Variants in GSE1 observed in about 807,000 individuals in gnomAD.
GSE1 encodes the protein Gse1 coiled-coil protein, also known as genetic suppressor element 1.
GSE1 carries 32 observed loss-of-function variants against 112.6 expected under a neutral mutation model. The ratio of observed to expected loss-of-function variants is 0.28; its 90% CI spans 0.21 to 0.38. GSE1 has a LOEUF of 0.38. Ranked by LOEUF, GSE1 falls within the 10% of genes least tolerant of loss-of-function variation. The pLI, the probability that GSE1 is intolerant of heterozygous loss-of-function variation, is 1.00. For synonymous variants in GSE1, 1,115 were observed against 735.6 expected (o/e 1.52, Z -8.35); for missense variants, 2,348 against 1,699.2 (o/e 1.38, Z -6.71).
At chr16:85,434,910 C>A (rs567382395) in intron 2 of GSE1, among the ~76,000 whole-genome samples, 1 of 152,236 alleles carries the variant, frequency 6.6e-6, no homozygotes, top group Non-Finnish European at 1.5e-5. Context: ...CTGGGGTGGG[C>A]CCCTGTGGTC....
At chr16:85,366,090 C>T (rs537570703) in intron 2 of GSE1, among the ~76,000 whole-genome samples, 2 of 152,358 alleles carry the variant, frequency 1.3e-5, no homozygotes, top group African/African-American at 4.8e-5. Context: ...CAAATGGGCT[C>T]CCAGCCGGGC....
In GSE1 at chr16:85,661,707, G is replaced by C; in HGVS notation, c.2202G>C (p.Arg734=). ...YIYDEFLQQR[R]RLVSKLDLEE... Reference sequence around the variant, plus strand: ...ATGATGAGTTCCTGCAGCAGCGCCGGAGGCTGGTCAGCAAGCTGGACCTGG... The same window carrying C: ...ATGATGAGTTCCTGCAGCAGCGCCGCAGGCTGGTCAGCAAGCTGGACCTGG... The change falls in exon 9 of 16, where the codon CGG becomes CGC. Residue 734 remains arginine, a synonymous_variant. Transcript: ENST00000253458. The C allele has an allele frequency of 6.3e-7, 1 of 1,598,198 alleles. No homozygotes were observed. The highest frequency in any genetic ancestry group is 1.3e-5 in the African/African-American group (1 of 74,762).
intron 1 of GSE1, among the ~76,000 whole-genome samples, chr16:85,352,580 C>T (rs1411697018): frequency 6.6e-6 from 1 of 152,206 alleles, no homozygotes; most frequent in East Asian, 1.9e-4. Context: ...AGACACAGCA[C>T]ATATGCAGGT....
intron 2 of GSE1, among the ~76,000 whole-genome samples, chr16:85,463,743 G>A (rs2050045433): frequency 6.6e-6 from 1 of 152,182 alleles, no homozygotes; most frequent in African/African-American, 2.4e-5. Context: ...CAGCGAGAGG[G>A]TAAGAGTCAC....
rs972479990 is a variant in GSE1, at chr16:85,529,190, G to C, written c.2465-104724G>C. 4.6e-5 allele frequency among the ~76,000 whole-genome samples: 7 copies of C among 152,274 alleles called. No individual in the cohort carries two copies. In the East Asian group the frequency reaches 1.2e-3, roughly 25 times the overall value. On this transcript the variant is annotated intron_variant, in intron 2 of 2. Transcript: ENST00000637419. Reference sequence around the variant, plus strand: ...GGTTAATCGTGTGTGGGACTGGAGTGGGGGTGGGGGTGTCAAGCCGCCAGG... The same window carrying C: ...GGTTAATCGTGTGTGGGACTGGAGTCGGGGTGGGGGTGTCAAGCCGCCAGG...
intron 1 of GSE1, among the ~76,000 whole-genome samples, chr16:85,243,546 G>A (rs982224570): frequency 1.3e-5 from 2 of 152,212 alleles, no homozygotes; most frequent in African/African-American, 4.8e-5. Context: ...CCTGGAAGGC[G>A]GGGCTGGGAA....
chr16:85,610,354 G>T (rs891092360), upstream of GSE1, among the ~76,000 whole-genome samples: 1 of 152,216 alleles, frequency 6.6e-6, no homozygotes, highest in Non-Finnish European at 1.5e-5. Flanking sequence ...CCCAGGAAGG[G>T]CTCGCACTAT....
chr16:85,647,214 A>G (rs1428017132), intron 2 of GSE1, among the ~76,000 whole-genome samples: 1 of 152,086 alleles, frequency 6.6e-6, no homozygotes, highest in African/African-American at 2.4e-5. Context: ...TCTTGGCTGT[A>G]GCCACCAGTC....
chr16:85,395,476 C>A (rs2047944134), intron 2 of GSE1, among the ~76,000 whole-genome samples: 1 of 152,140 alleles, frequency 6.6e-6, no homozygotes, highest in South Asian at 2.1e-4. Flanking sequence ...TGCAAAGGGG[C>A]ACCTCAGAGC....
At chr16:85,275,963 C>G (rs1364231296) in intron 1 of GSE1, among the ~76,000 whole-genome samples, 1 of 152,246 alleles carries the variant, frequency 6.6e-6, no homozygotes, top group Non-Finnish European at 1.5e-5. Flanking sequence ...AGAGGGGGTG[C>G]TTTCTATGTC....
chr16:85,227,012 T>A (rs1171323582), intron 1 of GSE1, among the ~76,000 whole-genome samples: 1 of 151,798 alleles, frequency 6.6e-6, no homozygotes, highest in Non-Finnish European at 1.5e-5. Context: ...GCATCCCCTT[T>A]CCATCCATTC....
intron 1 of GSE1, among the ~76,000 whole-genome samples, chr16:85,600,443 G>A (rs754437541): frequency 2.6e-5 from 4 of 152,040 alleles, no homozygotes; most frequent in South Asian, 2.1e-4. Context: ...ACTGTCTTTC[G>A]TGGGAGAGGA....
chr16:85,362,215 C>A (rs915721615), intron 2 of GSE1, among the ~76,000 whole-genome samples: 1 of 152,224 alleles, frequency 6.6e-6, no homozygotes, highest in East Asian at 1.9e-4. Context: ...GGATGTCCTT[C>A]CCTCGTGGGG....
upstream of GSE1, among the ~76,000 whole-genome samples, chr16:85,610,738 TGGGAA>T (rs1452234982): frequency 6.6e-6 from 1 of 152,170 alleles, no homozygotes; most frequent in Admixed American, 6.5e-5. Context: ...CCTACTGGGT[TGGGAA>T]GGGGAGTGAC....
At chr16:85,259,342 C>T (rs901683607) in intron 1 of GSE1, among the ~76,000 whole-genome samples, 1 of 152,080 alleles carries the variant, frequency 6.6e-6, no homozygotes, top group Non-Finnish European at 1.5e-5. Flanking sequence ...ACCCTGTGCT[C>T]GCCCCTTCCC....
chr16:85,280,431 T>C (rs936141252), intron 1 of GSE1, among the ~76,000 whole-genome samples: 14 of 152,210 alleles, frequency 9.2e-5, no homozygotes, highest in Non-Finnish European at 1.9e-4. Context: ...AGTCTCTCTC[T>C]GTTGCCCAGG....
intron 1 of GSE1, among the ~76,000 whole-genome samples, chr16:85,561,187 C>T (rs2045501433): frequency 6.6e-6 from 1 of 152,054 alleles, no homozygotes; most frequent in Non-Finnish European, 1.5e-5. Flanking sequence ...TCTACTATTC[C>T]CATTCCACGC....
At chr16:85,539,794 C>T (rs1027249849) in intron 2 of GSE1, among the ~76,000 whole-genome samples, 1 of 152,210 alleles carries the variant, frequency 6.6e-6, no homozygotes, top group African/African-American at 2.4e-5. Context: ...GCCCTGTCCC[C>T]TCCCTGAAGG....
chr16:85,319,452 T>C (rs1302147062), intron 1 of GSE1, among the ~76,000 whole-genome samples: 1 of 152,122 alleles, frequency 6.6e-6, no homozygotes, highest in Non-Finnish European at 1.5e-5. Context: ...AGCCTCCTCG[T>C]CCTCACCCTT....
Sources: allele counts gnomAD v4.1 joint callset (sites outside exome capture counted in the v4.1 genomes callset), GRCh38; gene constraint gnomAD v4.1.1; transcripts MANE v1.5; gene names NCBI Gene and HGNC (gene_info 2026-07-23, HGNC 2026-07-21).